The following KLHL3 variants were observed in gnomAD, a reference collection of about 807,000 sequenced individuals.
KLHL3 encodes the protein kelch-like protein 3.
Under a neutral mutation model 70.5 loss-of-function variants are expected in KLHL3, and 19 were observed. That is an observed-to-expected ratio of 0.27 (90% CI 0.19 to 0.40). KLHL3 has a LOEUF of 0.40. KLHL3 is among the 10% of genes least tolerant of loss of function. The probability of loss-of-function intolerance (pLI) is 1.00; values close to 1 mark genes in which losing one functional copy is unlikely to be tolerated. For missense variants in KLHL3, 512 were observed against 771.1 expected, an observed-to-expected ratio of 0.66 and a Z score of 3.98; for synonymous variants, 258 against 290.3, an observed-to-expected ratio of 0.89 and a Z score of 1.13.
Position 137,735,873 on chromosome 5 carries a change from TC to T in KLHL3, c.-228del. On this transcript the variant is annotated 5_prime_UTR_variant, in exon 1 of 15. Transcript: ENST00000309755. ...CAACAGAAAATGTCTTACCCAGAGC[TC>T]CCTGCAGCCCTTTCAGCTGCTAAAA... 1.6e-6 allele frequency: 1 copy of T among 617,962 alleles called. No homozygotes were observed. Among genetic ancestry groups the T allele is most frequent in the Non-Finnish European group, 2.9e-6 (1 of 340,756 alleles). The allele number at this position is 617,962 out of a possible 1,614,324, so 38.3% of individuals were successfully genotyped here.
chr5:137,637,401 A>T lies in KLHL3; in HGVS notation c.1220-6T>A. 1 of 1,612,978 alleles carries T rather than the reference A, an allele frequency of 6.2e-7. No individual in the cohort carries two copies. Among genetic ancestry groups the T allele is most frequent in the Non-Finnish European group, 8.5e-7 (1 of 1,178,954 alleles). On this transcript the variant is annotated splice_polypyrimidine_tract_variant and splice_region_variant and intron_variant, in intron 10 of 14. Coordinates refer to ENST00000309755, the MANE Select transcript of KLHL3 (RefSeq NM_017415.3). ...GGCTTCCACCGATGCTAGGCCTGGG[A>T]GACAAGAGACTCATGAGACTTCCGT...
chr5:137,736,031 G>A lies in KLHL3; in HGVS notation c.-385C>T, dbSNP rs886177059. Reference sequence around the variant, plus strand: ...CTCTGCATCTGCCCAGGCATCCCCAGCCCAGGCGATTAGCCCGCCCCTGGG... The same window carrying A: ...CTCTGCATCTGCCCAGGCATCCCCAACCCAGGCGATTAGCCCGCCCCTGGG... On this transcript the variant is annotated 5_prime_UTR_variant, in exon 1 of 15. Transcript: ENST00000309755. 1.1e-5 allele frequency: 4 copies of A among 355,324 alleles called. No homozygotes were observed. The highest frequency in any genetic ancestry group is 7.5e-5 in the Admixed American group (2 of 26,760). 22.0% of individuals were successfully genotyped at this position (355,324 alleles called of 1,614,324 possible). A position where few individuals can be genotyped will look rare whatever the true frequency, so the allele number is the denominator to read the frequency against.
At chr5:137,667,206 G>A (rs1561597960) in intron 6 of KLHL3, among the ~76,000 whole-genome samples, 1 of 152,108 alleles carries the variant, frequency 6.6e-6, no homozygotes, top group Non-Finnish European at 1.5e-5. Flanking sequence ...GAGAAGCCAC[G>A]ACAACATAAA....
In KLHL3 at chr5:137,628,325, T is replaced by C. The variant is rs1384928624; in HGVS notation, c.1563A>G (p.Ala521=). 3 of 1,614,116 alleles carry C rather than the reference T, an allele frequency of 1.9e-6. No homozygotes were observed. Among genetic ancestry groups the C allele is most frequent in the Non-Finnish European group, 8.5e-7 (1 of 1,180,004 alleles). Residue 521 remains alanine (A), a synonymous_variant, in exon 13 of 15, where the codon GCA becomes GCG. Coordinates refer to ENST00000309755, the MANE Select transcript of KLHL3 (RefSeq NM_017415.3). ...CGTTGCGCCGGCACATGTTCATGTCTGCCACTTGCTTCCAGGTATTTGTTC... is the reference window on the plus strand; with the variant it reads ...CGTTGCGCCGGCACATGTTCATGTCCGCCACTTGCTTCCAGGTATTTGTTC... ...DPGTNTWKQV[A]DMNMCRRNAG... is the part of the protein sequence containing the mutation.
chr5:137,658,054 G>A (rs1402475023), intron 8 of KLHL3, 77 bp downstream of exon 8: 63 of 1,422,546 alleles, frequency 4.4e-5, no homozygotes, highest in Non-Finnish European at 5.8e-5. Context: ...GGTGAGGAAA[G>A]ACTTGGAGGC....
At chr5:137,707,981 A>G (rs1752717606) in intron 3 of KLHL3, among the ~76,000 whole-genome samples, 1 of 152,236 alleles carries the variant, frequency 6.6e-6, no homozygotes, top group Non-Finnish European at 1.5e-5. Context: ...TTACAGCTAA[A>G]TAACTATTAC....
intron 8 of KLHL3, among the ~76,000 whole-genome samples, chr5:137,651,192 G>A (rs113668312): frequency 1.6e-3 from 249 of 152,324 alleles, no homozygotes; most frequent in African/African-American, 5.5e-3. Flanking sequence ...AATTGAGGCC[G>A]TGTGCCAAGG....
intron 3 of KLHL3, among the ~76,000 whole-genome samples, chr5:137,708,885 A>G (rs537135252): frequency 6.6e-6 from 1 of 152,324 alleles, no homozygotes; most frequent in African/African-American, 2.4e-5. Context: ...TACTCAGAGC[A>G]GGCACAAGCA....
chr5:137,717,550 A>C (rs1248997260), intron 2 of KLHL3, among the ~76,000 whole-genome samples: 2 of 152,222 alleles, frequency 1.3e-5, no homozygotes, highest in African/African-American at 4.8e-5. Flanking sequence ...AAAATAAATA[A>C]ATAAATATTT....
intron 3 of KLHL3, chr5:137,705,917 C>T (rs1484035728): frequency 9.9e-6 from 6 of 606,676 alleles, no homozygotes; most frequent in Non-Finnish European, 1.0e-5. Flanking sequence ...AAAAGATGGG[C>T]AGAACACAGC....
chr5:137,686,336 C>T (rs1343458289), intron 5 of KLHL3, among the ~76,000 whole-genome samples: 3 of 152,208 alleles, frequency 2.0e-5, no homozygotes, highest in African/African-American at 4.8e-5. Flanking sequence ...CACAGCACAG[C>T]GCCTGTGGTG....
intron 2 of KLHL3, among the ~76,000 whole-genome samples, chr5:137,714,019 TC>T (rs1285639216): frequency 9.5e-6 from 1 of 104,770 alleles, no homozygotes; most frequent in African/African-American, 3.6e-5. Context: ...ATGCTATCCC[TC>T]CCCCCTCCCC....
At chr5:137,630,306 G>T (rs1394489428) in intron 12 of KLHL3, among the ~76,000 whole-genome samples, 1 of 152,128 alleles carries the variant, frequency 6.6e-6, no homozygotes, top group Non-Finnish European at 1.5e-5. Flanking sequence ...CACCCTCCAG[G>T]TCCTCCAGTG....
chr5:137,735,819 C>T lies in KLHL3; in HGVS notation c.-173G>A, dbSNP rs928420512. 3 of 822,414 alleles carry T rather than the reference C, an allele frequency of 3.6e-6. No individual in the cohort carries two copies. The East Asian group carries it at 7.5e-5, about 21-fold the overall frequency. The allele number at this position is 822,414 out of a possible 1,614,324, so 50.9% of individuals were successfully genotyped here. A position where few individuals can be genotyped will look rare whatever the true frequency, so the allele number is the denominator to read the frequency against. On this transcript the variant is annotated 5_prime_UTR_variant, in exon 1 of 15. Transcript: ENST00000309755. ...TCAATCCTCCTTCCTCTGACTTACT[C>T]GCAGCAGCTTCTACCGCAAAAGCAG...
Position 137,664,799 on chromosome 5 carries a change from C to T in KLHL3, c.637-2768G>A, listed in dbSNP as rs111453690. 5.7e-3 allele frequency among the ~76,000 whole-genome samples: 870 copies of T among 152,106 alleles called. 13 individuals carry two copies. The highest frequency in any genetic ancestry group is 0.026 in the Admixed American group (405 of 15,288). On this transcript the variant is annotated intron_variant, in intron 6 of 14. Transcript: ENST00000309755. ...TGCCACTGCACTCCAGCCCGGGCAA[C>T]ACAGCAAGAGCCTATCTTTAAAAAA...
At chr5:137,683,304 C>G (rs1561604692) in intron 5 of KLHL3, among the ~76,000 whole-genome samples, 1 of 152,110 alleles carries the variant, frequency 6.6e-6, no homozygotes, top group Non-Finnish European at 1.5e-5. Context: ...TTCCCAGGGC[C>G]AGCAGCCCCA....
chr5:137,706,493 G>A lies in KLHL3; in HGVS notation c.241+3257C>T, dbSNP rs1039360481. On this transcript the variant is annotated intron_variant, in intron 3 of 14. Coordinates refer to ENST00000309755, the MANE Select transcript of KLHL3 (RefSeq NM_017415.3). ...TACAACTGTTCTTTAGATCAATGCG[G>A]CACATGTCTCAAAAGTCTTCAAAGT... 8.3e-6 allele frequency: 4 copies of A among 480,380 alleles called. No individual in the cohort carries two copies. In the African/African-American group the frequency reaches 8.5e-5, roughly 10 times the overall value. 29.8% of individuals were successfully genotyped at this position (480,380 alleles called of 1,614,324 possible). A position where few individuals can be genotyped will look rare whatever the true frequency, so the allele number is the denominator to read the frequency against.
At chr5:137,732,060 C>T (rs1049306218) in intron 1 of KLHL3, among the ~76,000 whole-genome samples, 1 of 152,130 alleles carries the variant, frequency 6.6e-6, no homozygotes, top group Admixed American at 6.6e-5. Flanking sequence ...ATCTGACTAA[C>T]CATTTATTTT....
rs1384121314 is a variant in KLHL3, at chr5:137,621,818, T to C, written c.*280A>G. 3 of 533,740 alleles carry C rather than the reference T, an allele frequency of 5.6e-6. No individual in the cohort carries two copies. The highest frequency in any genetic ancestry group is 1.0e-5 in the Non-Finnish European group (3 of 296,564). 33.1% of individuals were successfully genotyped at this position (533,740 alleles called of 1,614,324 possible). On this transcript the variant is annotated 3_prime_UTR_variant, in exon 15 of 15. Coordinates refer to ENST00000309755, the MANE Select transcript of KLHL3 (RefSeq NM_017415.3). ...CACACACACACTCCAGGGTCTGTAT[T>C]GTCCCTGTAGAAACACCAAAACAAA...
Sources: allele counts gnomAD v4.1 joint callset (sites outside exome capture counted in the v4.1 genomes callset), GRCh38; gene constraint gnomAD v4.1.1; transcripts MANE v1.5; gene names NCBI Gene and HGNC (gene_info 2026-07-23, HGNC 2026-07-21).